Variants in ETV6 observed in about 807,000 individuals in gnomAD.
The protein encoded by ETV6 is ETS variant transcription factor 6.
In ETV6, 16 loss-of-function variants were observed where a neutral mutation model predicts 51.1. The ratio of observed to expected loss-of-function variants is 0.31; its 90% CI spans 0.21 to 0.48. The LOEUF (loss-of-function observed/expected upper bound fraction) is 0.48, where lower values mean the gene tolerates loss of function less well. Ranked by LOEUF, ETV6 falls within the 20% of genes least tolerant of loss-of-function variation. The probability of loss-of-function intolerance (pLI) is 0.99; values close to 1 mark genes in which losing one functional copy is unlikely to be tolerated. For synonymous variants in ETV6, 240 were observed against 224.1 expected (o/e 1.07, Z -0.64); for missense variants, 458 against 594.8 (o/e 0.77, Z 2.39).
chr12:11,874,395 T>TAG (rs1946931507), intron 5 of ETV6, among the ~76,000 whole-genome samples: 1 of 125,938 alleles, frequency 7.9e-6, no homozygotes. Flanking sequence ...AAAAAATGTG[T>TAG]GTGTATATAT....
At chr12:11,705,037 G>A (rs924624081) in intron 1 of ETV6, among the ~76,000 whole-genome samples, 8 of 152,140 alleles carry the variant, frequency 5.3e-5, no homozygotes, top group South Asian at 2.1e-4. Context: ...GGTTAATGCC[G>A]GTGGAAATGG....
intron 7 of ETV6, among the ~76,000 whole-genome samples, chr12:11,890,255 G>A (rs1016065417): frequency 6.6e-6 from 1 of 150,732 alleles, no homozygotes; most frequent in Admixed American, 6.7e-5. Flanking sequence ...CCATTTCCTG[G>A]GCTCACAGTC....
intron 2 of ETV6, among the ~76,000 whole-genome samples, chr12:11,779,999 T>C (rs1362210706): frequency 2.0e-5 from 3 of 152,238 alleles, no homozygotes; most frequent in African/African-American, 7.2e-5. Context: ...TTTGCCCATA[T>C]TTTTCACACA....
intron 3 of ETV6, among the ~76,000 whole-genome samples, chr12:11,850,095 C>T (rs536604023): frequency 1.3e-3 from 201 of 152,250 alleles, no homozygotes; most frequent in Non-Finnish European, 2.1e-3. Context: ...CACCCGTAGC[C>T]GCCTCATGGA....
intron 3 of ETV6, chr12:11,840,799 C>G (rs1372554032): frequency 3.6e-6 from 1 of 277,920 alleles, no homozygotes; most frequent in Non-Finnish European, 7.1e-6. Context: ...CTCATATCAT[C>G]AATTCTGTAT....
At chr12:11,876,962 A>G (rs1170533411) in intron 5 of ETV6, among the ~76,000 whole-genome samples, 9 of 152,190 alleles carry the variant, frequency 5.9e-5, no homozygotes, top group Non-Finnish European at 8.8e-5. Context: ...TACTTTTACT[A>G]TCTCTCAAGG....
chr12:11,875,573 C>T (rs1946970550), intron 5 of ETV6, among the ~76,000 whole-genome samples: 1 of 152,168 alleles, frequency 6.6e-6, no homozygotes, highest in Non-Finnish European at 1.5e-5. Flanking sequence ...CTGTAGTCAT[C>T]CGTGAGTCAT....
intron 5 of ETV6, among the ~76,000 whole-genome samples, chr12:11,870,794 G>A (rs1946869797): frequency 6.6e-6 from 1 of 152,206 alleles, no homozygotes; most frequent in Admixed American, 6.5e-5. Context: ...AATATAGTGG[G>A]AGAGACAAAG....
chr12:11,674,072 A>G (rs1864369029), intron 1 of ETV6, among the ~76,000 whole-genome samples: 1 of 152,178 alleles, frequency 6.6e-6, no homozygotes, highest in African/African-American at 2.4e-5. Flanking sequence ...TATTTGACAC[A>G]TTAGTTGGCT....
rs577186619 is a variant in ETV6, at chr12:11,738,117, T to A, written c.34-14333T>A. Among the ~76,000 whole-genome samples, 188 of 152,140 alleles carry A rather than the reference T, an allele frequency of 1.2e-3. 3 individuals carry two copies. The highest frequency in any genetic ancestry group is 4.4e-3 in the African/African-American group (182 of 41,472). On this transcript the variant is annotated intron_variant, in intron 1 of 7. Transcript: ENST00000396373. ...TAGCATTCTTCGTTTTAAGAAGGAT[T>A]CCTTCCGGTGCAACATCAGTCACAG...
At chr12:11,785,893 G>A (rs374262220) in intron 2 of ETV6, among the ~76,000 whole-genome samples, 6 of 152,154 alleles carry the variant, frequency 3.9e-5, no homozygotes, top group Admixed American at 6.5e-5. Context: ...GGACACTGGC[G>A]TTAGCTGGAA....
At position 11,776,966 on chromosome 12, in the gene ETV6, C is replaced by T. The variant is rs935304253; in HGVS notation, c.163+24387C>T. ...AAAATCACATTTTTTAGGCCGGGCG[C>T]AGTGGCTCACGCCTGTAATCCCAGC... On this transcript the variant is annotated intron_variant, in intron 2 of 7. Coordinates refer to ENST00000396373, the MANE Select transcript of ETV6 (RefSeq NM_001987.5). Among the ~76,000 whole-genome samples the T allele has an allele frequency of 3.3e-5, 5 of 152,184 alleles. No homozygotes were observed. The South Asian group carries it at 1.0e-3, about 31-fold the overall frequency.
chr12:11,869,594 C>T lies in ETV6; in HGVS notation c.634C>T (p.Leu212Phe). The T allele has an allele frequency of 6.2e-7, 1 of 1,614,226 alleles. No individual in the cohort carries two copies. Among genetic ancestry groups the T allele is most frequent in the Non-Finnish European group, 8.5e-7 (1 of 1,180,044 alleles). ...RSPLDNMIRRLSPAERAQGPR... is the reference protein window; with the variant it reads ...RSPLDNMIRRFSPAERAQGPR... ...CCCCCTGGACAACATGATCCGCCGC[C>T]TCTCCCCGGCTGAGAGAGCTCAGGG... The change falls in exon 5 of 8, where the codon CTC becomes TTC. Residue 212 changes from leucine to phenylalanine, a missense_variant. Transcript: ENST00000396373. This position sits in a 1 kb window ranked among gnomAD's most constrained non-coding sequence, Gnocchi z 5.0.
intron 1 of ETV6, among the ~76,000 whole-genome samples, chr12:11,730,104 G>A (rs1336442559): frequency 6.6e-6 from 1 of 152,178 alleles, no homozygotes; most frequent in African/African-American, 2.4e-5. Context: ...CCTCTGTAAA[G>A]AGGCCAGCAG....
At chr12:11,846,089 A>G (rs1342019352) in intron 3 of ETV6, among the ~76,000 whole-genome samples, 1 of 152,154 alleles carries the variant, frequency 6.6e-6, no homozygotes, top group African/African-American at 2.4e-5. Context: ...TGGTGTTTTC[A>G]CTGTTGAATT....
At chr12:11,819,257 T>C (rs543132249) in intron 2 of ETV6, among the ~76,000 whole-genome samples, 13 of 152,280 alleles carry the variant, frequency 8.5e-5, no homozygotes, top group African/African-American at 3.1e-4. Context: ...AGTCCCCAGA[T>C]GCCGAATCCA....
At chr12:11,874,730 G>GTA (rs201885095) in intron 5 of ETV6, among the ~76,000 whole-genome samples, 2,466 of 149,204 alleles carry the variant, frequency 0.017, 35 homozygotes, top group Middle Eastern at 0.11. Flanking sequence ...ATATATATGT[G>GTA]TATATATATA....
intron 2 of ETV6, among the ~76,000 whole-genome samples, chr12:11,796,171 G>T (rs537907751): frequency 7.7e-6 from 1 of 129,302 alleles, no homozygotes; most frequent in East Asian, 2.2e-4. Flanking sequence ...GTCCAGTCAA[G>T]CAGGAAAGTA....
chr12:11,887,865 C>T (rs1278145367), intron 7 of ETV6, among the ~76,000 whole-genome samples: 1 of 152,166 alleles, frequency 6.6e-6, no homozygotes, highest in East Asian at 1.9e-4. Context: ...CCTTTGACTC[C>T]TCCTGTATCC....
Sources: allele counts gnomAD v4.1 joint callset (sites outside exome capture counted in the v4.1 genomes callset), GRCh38; gene constraint gnomAD v4.1.1; non-coding constraint Gnocchi (gnomAD v3.1); transcripts MANE v1.5; gene names NCBI Gene and HGNC (gene_info 2026-07-23, HGNC 2026-07-21).